Variants in POFUT3 observed in about 807,000 individuals in gnomAD.
POFUT3 encodes the protein GDP-fucose protein O-fucosyltransferase 3.
the POFUT3 span, among the ~76,000 whole-genome samples, chr8:33,400,476 A>T: frequency 1.3e-5 from 2 of 151,992 alleles, no homozygotes; most frequent in East Asian, 3.9e-4. Context: ...AATAAATAAA[A>T]ATAAAATATA....
chr8:33,319,818 A>G, the POFUT3 span, among the ~76,000 whole-genome samples: 3 of 137,444 alleles, frequency 2.2e-5, no homozygotes, highest in Admixed American at 8.8e-5. Context: ...CACTGGTTGA[A>G]GAGCTTTCAG....
At chr8:33,373,054 A>C in the POFUT3 span, among the ~76,000 whole-genome samples, 4 of 152,180 alleles carry the variant, frequency 2.6e-5, no homozygotes, top group Admixed American at 6.5e-5. Context: ...TATATACTTA[A>C]GATCGAATAT....
At chr8:33,429,766 T>C in the POFUT3 span, among the ~76,000 whole-genome samples, 1 of 151,900 alleles carries the variant, frequency 6.6e-6, no homozygotes, top group African/African-American at 2.4e-5. Context: ...GAAGCCGAGA[T>C]GGGCGGATCA....
At chr8:33,430,009 A>G in the POFUT3 span, among the ~76,000 whole-genome samples, 11 of 151,936 alleles carry the variant, frequency 7.2e-5, no homozygotes, top group South Asian at 6.2e-4. Context: ...AAAAAAAAAA[A>G]AAAGAAAGAC....
At chr8:33,362,896 G>C in the POFUT3 span, among the ~76,000 whole-genome samples, 1 of 152,124 alleles carries the variant, frequency 6.6e-6, no homozygotes. Flanking sequence ...TCCAGGACTT[G>C]AATTCAGCTC....
At chr8:33,386,188 CAA>C in the POFUT3 span, among the ~76,000 whole-genome samples, 45 of 32,046 alleles carry the variant, frequency 1.4e-3, no homozygotes, top group African/African-American at 3.2e-3. Context: ...GGCTCCATCT[CAA>C]AAAAAAAAAA....
chr8:33,431,020 GCA>G, the POFUT3 span, among the ~76,000 whole-genome samples: 1 of 152,098 alleles, frequency 6.6e-6, no homozygotes, highest in Admixed American at 6.6e-5. Flanking sequence ...ATGGCAACAT[GCA>G]CACTTACCCT....
the POFUT3 span, among the ~76,000 whole-genome samples, chr8:33,333,845 G>T: frequency 6.6e-6 from 1 of 152,120 alleles, no homozygotes; most frequent in Non-Finnish European, 1.5e-5. Context: ...TAAGAAGACC[G>T]TATTGGCGGA....
chr8:33,309,668 T>C, the POFUT3 span, among the ~76,000 whole-genome samples: 1 of 152,164 alleles, frequency 6.6e-6, no homozygotes, highest in Non-Finnish European at 1.5e-5. Context: ...GGTATCATCA[T>C]CAATTGTTCC....
At chr8:33,320,654 C>T in the POFUT3 span, among the ~76,000 whole-genome samples, 2,294 of 152,118 alleles carry the variant, frequency 0.015, 40 homozygotes, top group Admixed American at 0.051. Flanking sequence ...CTGGGCTGAA[C>T]GATTAAGATA....
At chr8:33,331,199 G>GGCCTGGT in the POFUT3 span, among the ~76,000 whole-genome samples, 2 of 78,956 alleles carry the variant, frequency 2.5e-5, no homozygotes, top group Non-Finnish European at 4.9e-5. Context: ...AAAATTAACC[G>GGCCTGGT]GGCGCGCGCC....
the POFUT3 span, among the ~76,000 whole-genome samples, chr8:33,354,910 C>T: frequency 6.6e-6 from 1 of 152,184 alleles, no homozygotes; most frequent in Admixed American, 6.5e-5. Flanking sequence ...TTTCCCATAA[C>T]TATAATCATG....
chr8:33,427,465 G>A, the POFUT3 span, among the ~76,000 whole-genome samples: 119 of 151,904 alleles, frequency 7.8e-4, no homozygotes, highest in African/African-American at 2.6e-3. Context: ...TGTAATCCCA[G>A]CTACTCAGGA....
chr8:33,382,846 C>A, the POFUT3 span, among the ~76,000 whole-genome samples: 114 of 152,250 alleles, frequency 7.5e-4, 2 homozygotes, highest in African/African-American at 2.7e-3. Context: ...TTCATCTATC[C>A]CTTGCCCCAC....
chr8:33,399,037 G>A, the POFUT3 span, among the ~76,000 whole-genome samples: 1 of 73,436 alleles, frequency 1.4e-5, no homozygotes, highest in African/African-American at 9.8e-5. Flanking sequence ...TTCTAGTTTT[G>A]TTGTTGTTGT....
the POFUT3 span, among the ~76,000 whole-genome samples, chr8:33,393,873 C>A: frequency 2.0e-5 from 3 of 152,178 alleles, no homozygotes; most frequent in South Asian, 6.2e-4. Flanking sequence ...AGTGCTTCTG[C>A]AGAATGCTCT....
At chr8:33,428,288 C>A in the POFUT3 span, among the ~76,000 whole-genome samples, 18 of 152,338 alleles carry the variant, frequency 1.2e-4, no homozygotes, top group Non-Finnish European at 1.5e-5. Flanking sequence ...ACGTTCTCAA[C>A]AGGAGAAATC....
chr8:33,453,027 C>G, the POFUT3 span: 1 of 573,682 alleles, frequency 1.7e-6, no homozygotes, highest in Non-Finnish European at 3.1e-6. Flanking sequence ...GCCACCACGC[C>G]CGGCCAGGCT....
chr8:33,380,918 G>T, the POFUT3 span, among the ~76,000 whole-genome samples: 6 of 151,744 alleles, frequency 4.0e-5, no homozygotes, highest in Non-Finnish European at 7.4e-5. Context: ...AGAATGGCTT[G>T]ACCCCAGGAG....
Sources: allele counts gnomAD v4.1 joint callset (sites outside exome capture counted in the v4.1 genomes callset), GRCh38; gene constraint gnomAD v4.1.1; transcripts MANE v1.5; gene names NCBI Gene and HGNC (gene_info 2026-07-23, HGNC 2026-07-21).